The following BAIAP2L2 variants were observed in gnomAD, a reference collection of about 807,000 sequenced individuals.
BAIAP2L2 encodes BAR/IMD domain-containing adapter protein 2-like 2.
BAIAP2L2 carries 65 observed loss-of-function variants against 60.4 expected under a neutral mutation model. That is an observed-to-expected ratio of 1.08 (90% CI 0.88 to 1.32). BAIAP2L2 has a LOEUF of 1.32. Ranked by LOEUF, BAIAP2L2 falls within the 40% of genes most tolerant of loss-of-function variation. The pLI, the probability that BAIAP2L2 is intolerant of heterozygous loss-of-function variation, is 0.00. For synonymous variants in BAIAP2L2, 344 were observed against 301.7 expected (o/e 1.14, Z -1.45); for missense variants, 836 against 741.2 (o/e 1.13, Z -1.48).
intron 4 of BAIAP2L2, among the ~76,000 whole-genome samples, chr22:38,102,711 A>G (rs1469043188): frequency 6.6e-6 from 1 of 152,092 alleles, no homozygotes; most frequent in Admixed American, 6.6e-5. Context: ...TGGGCAACAT[A>G]GTGAGACCTC....
At position 38,109,604 on chromosome 22, in the gene BAIAP2L2, C is replaced by T. The variant is rs369413750; in HGVS notation, c.52-396G>A. 2.8e-3 allele frequency among the ~76,000 whole-genome samples: 430 copies of T among 152,300 alleles called. 3 individuals are homozygous for T. Among genetic ancestry groups the T allele is most frequent in the African/African-American group, 9.7e-3 (405 of 41,574 alleles). On this transcript the variant is annotated intron_variant, in intron 1 of 13. Coordinates refer to ENST00000381669, the MANE Select transcript of BAIAP2L2 (RefSeq NM_025045.6). ...CCTGTGTCCAGGCCTTGCCGGGCTA[C>T]ACGCCTGGGGCTGCCAACAGTCACC...
chr22:38,093,797 A>T (rs2086363282), intron 7 of BAIAP2L2: 2 of 417,636 alleles, frequency 4.8e-6, no homozygotes, highest in Admixed American at 5.2e-5. Flanking sequence ...GAAGTTCCAC[A>T]AACAGTTAAA....
chr22:38,099,996 G>A (rs2086532335), intron 4 of BAIAP2L2, among the ~76,000 whole-genome samples: 2 of 152,218 alleles, frequency 1.3e-5, no homozygotes, highest in Non-Finnish European at 2.9e-5. Flanking sequence ...GTGCCCACTA[G>A]TCTGCAAGGG....
At chr22:38,102,811 G>A (rs1252532717) in intron 4 of BAIAP2L2, among the ~76,000 whole-genome samples, 3 of 151,918 alleles carry the variant, frequency 2.0e-5, no homozygotes, top group African/African-American at 7.3e-5. Flanking sequence ...AGACCAAGGC[G>A]GGTGGATCAC....
intron 13 of BAIAP2L2, 132 bp from the exon 14 acceptor site, chr22:38,085,507 C>A (rs572576876): frequency 1.5e-6 from 2 of 1,291,942 alleles, no homozygotes; most frequent in East Asian, 4.8e-5. Flanking sequence ...ACTCCTTGCC[C>A]CGCTTCATCT....
Position 38,087,190 on chromosome 22 carries a change from G to GA in BAIAP2L2, c.1192_1193insT (p.Pro398LeufsTer35), listed in dbSNP as rs374089121. The stretch of plus-strand genomic sequence containing the variant: ...GGACATGGAGGTCATGGAGGTCATG[G>GA]GGGTCACGGGGGTCATGGGATTCAC... On this transcript the variant is annotated frameshift_variant, in exon 11 of 14. Coordinates refer to ENST00000381669, the MANE Select transcript of BAIAP2L2 (RefSeq NM_025045.6). LOFTEE classifies it high-confidence loss of function. The GA allele has an allele frequency of 1.5e-4, 246 of 1,599,694 alleles. No homozygotes were observed. Among genetic ancestry groups the GA allele is most frequent in the Non-Finnish European group, 2.0e-4 (239 of 1,175,260 alleles).
Position 38,097,014 on chromosome 22 carries a change from C to T in BAIAP2L2, c.612+18G>A, listed in dbSNP as rs376932282. 27 of 1,601,346 alleles carry T rather than the reference C, an allele frequency of 1.7e-5. No individual in the cohort carries two copies. The highest frequency in any genetic ancestry group is 4.5e-5 in the South Asian group (4 of 89,674). On this transcript the variant is annotated intron_variant, in intron 7 of 13. Coordinates refer to ENST00000381669, the MANE Select transcript of BAIAP2L2 (RefSeq NM_025045.6). ...GCTCCTAGAAGCGCCCCGCTTGCTG[C>T]CCCCCAGTCCAACTCACCCGGCCGA... is the stretch of plus-strand genomic sequence containing the variant.
chr22:38,108,684 C>T (rs929982302), intron 2 of BAIAP2L2, among the ~76,000 whole-genome samples: 1 of 152,050 alleles, frequency 6.6e-6, no homozygotes, highest in African/African-American at 2.4e-5. Context: ...GAGTGAATGT[C>T]AAGGCCAGCT....
intron 7 of BAIAP2L2, chr22:38,094,017 G>A: frequency 4.4e-6 from 2 of 456,320 alleles, no homozygotes; most frequent in Non-Finnish European, 8.8e-6. Context: ...CCAAGCAATG[G>A]AATATTATCC....
intron 4 of BAIAP2L2, among the ~76,000 whole-genome samples, chr22:38,106,853 C>T (rs2086675250): frequency 6.6e-6 from 1 of 152,138 alleles, no homozygotes; most frequent in African/African-American, 2.4e-5. Context: ...TTTTCTTTCC[C>T]CTGTGTCACT....
chr22:38,089,029 C>T (rs1265891710), intron 9 of BAIAP2L2, 65 bp from the exon 10 acceptor site: 5 of 1,424,280 alleles, frequency 3.5e-6, no homozygotes, highest in African/African-American at 1.5e-5. Context: ...CCCTCGATCC[C>T]TCCTGCTGCA....
intron 7 of BAIAP2L2, among the ~76,000 whole-genome samples, chr22:38,096,293 A>G: frequency 6.6e-6 from 1 of 152,226 alleles, no homozygotes; most frequent in East Asian, 1.9e-4. Context: ...TTAGAAATCC[A>G]ATGAGAGATG....
Position 38,101,407 on chromosome 22 carries a change from C to G in BAIAP2L2, c.277-2925G>C, listed in dbSNP as rs961725546. ...AAAAAAAAAAAAAAAAAAAGCCAGA[C>G]GTGGTGGTTCATGCCTGTGGTCCTA... On this transcript the variant is annotated intron_variant, in intron 4 of 13. Coordinates refer to ENST00000381669, the MANE Select transcript of BAIAP2L2 (RefSeq NM_025045.6). 4.5e-5 allele frequency among the ~76,000 whole-genome samples: 6 copies of G among 131,968 alleles called. No homozygotes were observed. The South Asian group carries it at 1.4e-3, about 32-fold the overall frequency. 86.6% of individuals were successfully genotyped at this position (131,968 alleles called of 152,430 possible).
At chr22:38,089,972 G>T (rs571162941) in intron 7 of BAIAP2L2, among the ~76,000 whole-genome samples, 1 of 152,208 alleles carries the variant, frequency 6.6e-6, no homozygotes, top group African/African-American at 2.4e-5. Context: ...TGGCACCCAG[G>T]CCTGGCCACT....
At chr22:38,094,796 G>A (rs1036924061) in intron 7 of BAIAP2L2, among the ~76,000 whole-genome samples, 10 of 151,010 alleles carry the variant, frequency 6.6e-5, no homozygotes, top group Non-Finnish European at 1.5e-4. Context: ...CTGGGCCCGT[G>A]GGTTCAGATC....
intron 12 of BAIAP2L2, 50 bp from the exon 13 acceptor site, chr22:38,085,782 A>C: frequency 6.7e-7 from 1 of 1,497,306 alleles, no homozygotes. Context: ...GGGGCAAGCA[A>C]TCCCTTGCTC....
chr22:38,088,712 CAA>C, intron 10 of BAIAP2L2, 34 bp downstream of exon 10: 62 of 1,542,156 alleles, frequency 4.0e-5, no homozygotes, highest in Non-Finnish European at 5.1e-5. Flanking sequence ...GCCTTCTTCT[CAA>C]CCCACCCCCG....
chr22:38,109,916 G>A (rs557150906), intron 1 of BAIAP2L2, among the ~76,000 whole-genome samples: 5 of 150,644 alleles, frequency 3.3e-5, no homozygotes, highest in Admixed American at 6.6e-5. Flanking sequence ...TGGGTGGTGT[G>A]AGGCCTCCAG....
At position 38,085,388 on chromosome 22, in the gene BAIAP2L2, A is replaced by C; in HGVS notation, c.1515-13T>G. On this transcript the variant is annotated splice_polypyrimidine_tract_variant and intron_variant, in intron 13 of 13. Transcript: ENST00000381669. ...AGGATTTGTGCCCCTGTAGGAGGAG[A>C]GAGAGAATGGGGTGAGAAGGGCAGA... is the stretch of plus-strand genomic sequence containing the variant. The C allele has an allele frequency of 6.2e-7, 1 of 1,612,352 alleles. No individual in the cohort carries two copies. The highest frequency in any genetic ancestry group is 8.5e-7 in the Non-Finnish European group (1 of 1,178,744).
Sources: gnomAD v4.1 joint callset for allele counts (sites outside exome capture counted in the v4.1 genomes callset) on GRCh38, gnomAD v4.1.1 for gene constraint, MANE v1.5 for transcripts, NCBI Gene and HGNC (gene_info 2026-07-23, HGNC 2026-07-21) for gene names.